The following MCM3 variants were observed in gnomAD, a reference collection of about 807,000 sequenced individuals.
MCM3 encodes the protein DNA replication licensing factor MCM3.
In MCM3, 59 loss-of-function variants were observed where a neutral mutation model predicts 91.3. The observed-to-expected ratio is 0.65, with a 90% CI of 0.52 to 0.80. MCM3 has a LOEUF of 0.80. MCM3 is among the 30% of genes least tolerant of loss of function. MCM3 has a pLI of 0.00. For missense variants in MCM3, 919 were observed against 1,035.4 expected (o/e 0.89, Z 1.54); for synonymous variants, 383 against 379.6 (o/e 1.01, Z -0.10).
intron 16 of MCM3, 30 bp downstream of exon 16, chr6:52,266,045 T>A (rs1341265609): frequency 4.4e-6 from 7 of 1,603,334 alleles, no homozygotes; most frequent in Non-Finnish European, 6.0e-6. Context: ...ACAGAATTCT[T>A]GAAGGGGCAG....
chr6:52,270,576 A>T (rs1304310991), intron 12 of MCM3, among the ~76,000 whole-genome samples: 1 of 152,208 alleles, frequency 6.6e-6, no homozygotes, highest in African/African-American at 2.4e-5. Context: ...ACAAGTTCTA[A>T]TTCTTAAACC....
Position 52,267,850 on chromosome 6 carries a change from C to T in MCM3, c.2072+15G>A. The T allele has an allele frequency of 1.1e-6, 1 of 912,068 alleles. No homozygotes were observed. Among genetic ancestry groups the T allele is most frequent in the Non-Finnish European group, 1.8e-6 (1 of 560,574 alleles). 56.5% of individuals were successfully genotyped at this position (912,068 alleles called of 1,614,324 possible). Reference sequence around the variant, plus strand: ...GCCACTAACTTTTTAATCTCATTTGCTTGCCCCACCTTACCTCTTCCTCTT... The same window carrying T: ...GCCACTAACTTTTTAATCTCATTTGTTTGCCCCACCTTACCTCTTCCTCTT... On this transcript the variant is annotated intron_variant, in intron 14 of 16. Transcript: ENST00000596288.
chr6:52,282,588 C>CCT (rs1411931166), intron 3 of MCM3, 65 bp downstream of exon 3: 3 of 1,498,158 alleles, frequency 2.0e-6, no homozygotes, highest in Non-Finnish European at 2.8e-6. Context: ...ATCTACTTTG[C>CCT]CTCTCCTGCT....
intron 11 of MCM3, 33 bp downstream of exon 11, chr6:52,273,197 G>C (rs778574952): frequency 1.1e-4 from 173 of 1,613,544 alleles, no homozygotes; most frequent in Non-Finnish European, 1.4e-4. Context: ...CATATTTCAG[G>C]TTCCCTTGAG....
intron 2 of MCM3, among the ~76,000 whole-genome samples, chr6:52,283,075 G>C (rs1448562179): frequency 1.3e-5 from 2 of 148,492 alleles, no homozygotes; most frequent in South Asian, 2.1e-4. Flanking sequence ...ATATAAAAAT[G>C]ATATTCAGCT....
intron 13 of MCM3, 152 bp downstream of exon 13, chr6:52,268,934 G>A: frequency 1.3e-6 from 1 of 778,056 alleles, no homozygotes; most frequent in Non-Finnish European, 2.0e-6. Context: ...GAGTGTTTCA[G>A]AGGAAAGAGT....
intron 13 of MCM3, 40 bp downstream of exon 13, chr6:52,269,046 T>C (rs1322004905): frequency 1.9e-6 from 3 of 1,591,900 alleles, no homozygotes; most frequent in Non-Finnish European, 1.7e-6. Flanking sequence ...CTGTAATATA[T>C]CCAGGAGATC....
In MCM3 at chr6:52,273,924, A is replaced by C. The variant is rs775838486; in HGVS notation, c.1375-8T>G. On this transcript the variant is annotated splice_region_variant and splice_polypyrimidine_tract_variant and intron_variant, in intron 9 of 16. Transcript: ENST00000596288. ...AGTCTTATACTGGTCATACTGGGGA[A>C]TGCGAGGACAACAGAAGTGGACATG... 7.5e-6 allele frequency: 12 copies of C among 1,601,998 alleles called. No homozygotes were observed. The highest frequency in any genetic ancestry group is 1.3e-5 in the African/African-American group (1 of 74,722).
chr6:52,276,302 C>G lies in MCM3; in HGVS notation c.1340G>C (p.Ser447Thr), dbSNP rs780307256. The G allele has an allele frequency of 1.7e-5, 28 of 1,612,692 alleles. No homozygotes were observed. In the South Asian group the frequency reaches 2.6e-4, roughly 15 times the overall value. Residue 447 changes from serine to threonine, a missense_variant, in exon 9 of 17, where the codon AGT (serine) becomes ACT (threonine). Transcript: ENST00000596288. ...GIHARLNARCSVLAAANPVYG... is the reference protein window; with the variant it reads ...GIHARLNARCTVLAAANPVYG... ...GACAGGGTTGGCAGCTGCCAAAACA[C>G]TGCAGCGGGCATTCAGCCGAGCATG... is the stretch of plus-strand genomic sequence containing the variant.
Position 52,267,962 on chromosome 6 carries a change from C to G in MCM3, c.1975G>C (p.Glu659Gln). The change falls in exon 14 of 17, where the codon GAG becomes CAG. Residue 659 changes from glutamate to glutamine, a missense_variant. Glu to Gln is a conservative substitution (Grantham distance 29). Coordinates refer to ENST00000596288, the MANE Select transcript of MCM3 (RefSeq NM_002388.6). The part of the protein sequence containing the change: ...VQYAYFKKVL[E>Q]KEKKRKKRSE... Reference sequence around the variant, plus strand: ...CGCTTCTTACGTTTCTTCTCCTTCTCCAGAACCTAAGACCAAGGCAAGTGT... The same window carrying G: ...CGCTTCTTACGTTTCTTCTCCTTCTGCAGAACCTAAGACCAAGGCAAGTGT... 6.2e-7 allele frequency: 1 copy of G among 1,613,764 alleles called. No homozygotes were observed. The highest frequency in any genetic ancestry group is 1.1e-5 in the South Asian group (1 of 91,066).
intron 15 of MCM3, 109 bp from the exon 16 acceptor site, chr6:52,266,253 A>C: frequency 1.2e-6 from 1 of 838,120 alleles, no homozygotes; most frequent in Non-Finnish European, 2.1e-6. Context: ...CAGCCTGCTG[A>C]ACACTCCTAT....
At chr6:52,273,488 G>C in intron 10 of MCM3, 132 bp from the exon 11 acceptor site, 2 of 921,914 alleles carry the variant, frequency 2.2e-6, no homozygotes, top group Non-Finnish European at 3.2e-6. Flanking sequence ...CAGACACATG[G>C]AACCCACAAA....
At position 52,284,709 on chromosome 6, in the gene MCM3, C is replaced by G; in HGVS notation, c.-35G>C. Reference sequence around the variant, plus strand: ...CAAAGAACTACCTCCACCAAAGTCGCGTGGAGGTTCCCAGGATGACTCCAC... The same window carrying G: ...CAAAGAACTACCTCCACCAAAGTCGGGTGGAGGTTCCCAGGATGACTCCAC... On this transcript the variant is annotated 5_prime_UTR_variant, in exon 1 of 17. Transcript: ENST00000596288. 1 of 1,587,714 alleles carries G rather than the reference C, an allele frequency of 6.3e-7. No individual in the cohort carries two copies. Among genetic ancestry groups the G allele is most frequent in the South Asian group, 1.1e-5 (1 of 87,564 alleles).
At chr6:52,269,032 G>C (rs1295058015) in intron 13 of MCM3, 54 bp downstream of exon 13, 9 of 1,552,582 alleles carry the variant, frequency 5.8e-6, no homozygotes, top group Non-Finnish European at 7.9e-6. Context: ...GGAAGCCCAT[G>C]CATCTGTAAT....
At position 52,282,149 on chromosome 6, in the gene MCM3, G is replaced by C; in HGVS notation, c.427C>G (p.Arg143Gly). The C allele has an allele frequency of 6.2e-7, 1 of 1,614,044 alleles. No individual in the cohort carries two copies. Among genetic ancestry groups the C allele is most frequent in the Non-Finnish European group, 8.5e-7 (1 of 1,179,958 alleles). The change falls in exon 4 of 17, where the codon CGC becomes GGC. Residue 143 changes from arginine to glycine, a missense_variant. Arg to Gly is a moderately radical substitution (Grantham distance 125). Around this residue, in one of 3 missense-constraint regions of MCM3, gnomAD observed 401 missense variants for 402.7 expected, o/e 1.00. Transcript: ENST00000596288. ...GTAGCAGGACAGTAGTGGACACTGC[G>C]GACGACTTTGGGACGAACTAGAGAA... ...KCSLVRPKVV[R>G]SVHYCPATKK...
chr6:52,283,888 AAC>A (rs149771373), intron 1 of MCM3, among the ~76,000 whole-genome samples: 7 of 152,362 alleles, frequency 4.6e-5, no homozygotes, highest in East Asian at 1.9e-4. Context: ...ATGTAAATAA[AAC>A]AGACTCTTAA....
rs751912918 is a variant in MCM3, at chr6:52,279,462, A to C, written c.669T>G (p.Asp223Glu). The change falls in exon 5 of 17, where the codon GAT becomes GAG. Residue 223 changes from aspartate (D) to glutamate (E), a missense_variant. Physicochemically the swap from Asp to Glu is conservative, Grantham distance 45. Transcript: ENST00000596288. ...CAGGCTTCGCTTTATCCACCAAGTC[A>C]TCATCCAGAATGACGTCCACAGAGC... ...LPRSVDVILD[D>E]DLVDKAKPGD... is the part of the protein sequence containing the mutation. 1.2e-6 allele frequency: 2 copies of C among 1,614,158 alleles called. No individual in the cohort carries two copies. Among genetic ancestry groups the C allele is most frequent in the East Asian group, 4.5e-5 (2 of 44,880 alleles).
At chr6:52,266,263 T>C in intron 15 of MCM3, 119 bp from the exon 16 acceptor site, 3 of 771,526 alleles carry the variant, frequency 3.9e-6, no homozygotes, top group Non-Finnish European at 4.5e-6. Context: ...AACACTCCTA[T>C]TTCCTAGGGT....
intron 5 of MCM3, 131 bp downstream of exon 5, chr6:52,279,230 T>C (rs1765846418): frequency 1.3e-6 from 1 of 749,524 alleles, no homozygotes. Context: ...GAAGGTATCC[T>C]GTCTCCCAGG....
Sources: allele counts gnomAD v4.1 joint callset (sites outside exome capture counted in the v4.1 genomes callset), GRCh38; gene constraint gnomAD v4.1.1; regional missense constraint gnomAD v4.1.1; transcripts MANE v1.5; gene names NCBI Gene and HGNC (gene_info 2026-07-23, HGNC 2026-07-21).